DTNA: variants seen among roughly 807,000 people sequenced by gnomAD.
The protein encoded by DTNA is dystrobrevin alpha.
In DTNA, 43 loss-of-function variants were observed where a neutral mutation model predicts 100.7. The observed-to-expected ratio is 0.43, with a 90% CI of 0.33 to 0.55. The LOEUF is 0.55. Among genes scored for constraint, DTNA ranks in the 20% least tolerant of loss-of-function variants. The pLI is 0.04. For synonymous variants in DTNA, 349 were observed against 347.9 expected (o/e 1.00, Z -0.04); for missense variants, 798 against 953.9 (o/e 0.84, Z 2.15).
chr18:34,603,824 TCTTCAA>T (rs1223382896), intron 1 of DTNA, among the ~76,000 whole-genome samples: 2 of 152,238 alleles, frequency 1.3e-5, no homozygotes, highest in African/African-American at 4.8e-5. Flanking sequence ...AGAAAGGTCA[TCTTCAA>T]CTTCAACATC....
intron 1 of DTNA, chr18:34,513,813 CT>C (rs1438245157): frequency 4.6e-5 from 7 of 152,128 alleles, no homozygotes; most frequent in African/African-American, 1.7e-4. Context: ...ATTTTAGTGG[CT>C]TTCTTGAATC....
intron 1 of DTNA, among the ~76,000 whole-genome samples, chr18:34,549,751 A>G (rs1232674245): frequency 6.6e-6 from 1 of 151,992 alleles, no homozygotes; most frequent in Non-Finnish European, 1.5e-5. Flanking sequence ...TTAGAGCCAT[A>G]TTAGATGAGA....
At chr18:34,680,041 T>A (rs1422101783) in intron 1 of DTNA, among the ~76,000 whole-genome samples, 1 of 152,210 alleles carries the variant, frequency 6.6e-6, no homozygotes, top group African/African-American at 2.4e-5. Flanking sequence ...TAATAGTGGC[T>A]TAATCACTAA....
At chr18:34,834,412 A>C (rs1301843846) in intron 11 of DTNA, among the ~76,000 whole-genome samples, 2 of 152,046 alleles carry the variant, frequency 1.3e-5, no homozygotes, top group Non-Finnish European at 2.9e-5. Flanking sequence ...CTGAGACAGA[A>C]GAATCGCTTG....
intron 9 of DTNA, chr18:34,825,138 A>G (rs574609070): frequency 8.1e-7 from 1 of 1,240,180 alleles, no homozygotes; most frequent in African/African-American, 1.5e-5. Flanking sequence ...GTCATGAATT[A>G]GTCCTTAAAT....
chr18:34,639,925 A>G (rs2059084919), intron 1 of DTNA, among the ~76,000 whole-genome samples: 1 of 152,192 alleles, frequency 6.6e-6, no homozygotes, highest in Non-Finnish European at 1.5e-5. Flanking sequence ...TTTTATTTGG[A>G]CACATTTCCC....
intron 1 of DTNA, among the ~76,000 whole-genome samples, chr18:34,588,686 A>AGTGTGTGTGTGTGCATGTGTGTGTGT (rs1555632822): frequency 0.063 from 9,431 of 149,544 alleles, 346 homozygotes; most frequent in African/African-American, 0.071. Flanking sequence ...TGAATATTAT[A>AGTGTGTGTGTGTGCATGTGTGTGTGT]GTGTGTGTGT....
chr18:34,608,091 C>A (rs1017929417), intron 1 of DTNA, among the ~76,000 whole-genome samples: 5 of 152,150 alleles, frequency 3.3e-5, no homozygotes, highest in Non-Finnish European at 7.4e-5. Flanking sequence ...TGAGGCTACC[C>A]TACTCTTTTG....
intron 1 of DTNA, among the ~76,000 whole-genome samples, chr18:34,648,476 C>T (rs2060098255): frequency 6.6e-6 from 1 of 152,098 alleles, no homozygotes; most frequent in Admixed American, 6.6e-5. Context: ...GGTGGAAGCA[C>T]AGCAGATAGA....
intron 1 of DTNA, among the ~76,000 whole-genome samples, chr18:34,528,430 A>T (rs2509597): frequency 0.61 from 92,009 of 151,760 alleles, 29,159 homozygotes; most frequent in East Asian, 0.9. Flanking sequence ...ATTTCAGTAA[A>T]AAGAAGCCAT....
chr18:34,887,662 C>T lies in DTNA; in HGVS notation c.*32-104C>T, dbSNP rs139357920. ...GTGCATGTGTGTGTGTGTGTGCGCGCGCACTTTCTTCTATATTGGGGAAAG... is the reference window on the plus strand; with the variant it reads ...GTGCATGTGTGTGTGTGTGTGCGCGTGCACTTTCTTCTATATTGGGGAAAG... On this transcript the variant is annotated intron_variant, in intron 22 of 22. Transcript: ENST00000444659. The T allele has an allele frequency of 2.3e-3, 1,953 of 864,322 alleles. 23 individuals carry two copies. The African/African-American group carries it at 0.032, about 14-fold the overall frequency. 53.5% of individuals were successfully genotyped at this position (864,322 alleles called of 1,614,324 possible).
chr18:34,743,601 CTT>C (rs1423514932), intron 1 of DTNA, among the ~76,000 whole-genome samples: 2 of 152,090 alleles, frequency 1.3e-5, no homozygotes, highest in Admixed American at 1.3e-4. Flanking sequence ...TGTAGGTTCT[CTT>C]ATGTTCTCAT....
At chr18:34,805,406 C>G (rs912922680) in intron 4 of DTNA, among the ~76,000 whole-genome samples, 8 of 152,198 alleles carry the variant, frequency 5.3e-5, no homozygotes, top group Non-Finnish European at 1.0e-4. Context: ...CTCACTGCAA[C>G]CTCCACCTCC....
At chr18:34,818,456 G>C (rs2095641489) in intron 8 of DTNA, 126 bp downstream of exon 8, 1 of 1,539,804 alleles carries the variant, frequency 6.5e-7, no homozygotes, top group East Asian at 2.5e-5. Flanking sequence ...CTAGTATTCA[G>C]TCCCCCTTCC....
intron 1 of DTNA, among the ~76,000 whole-genome samples, chr18:34,558,549 A>G (rs925744389): frequency 2.0e-5 from 3 of 152,250 alleles, no homozygotes; most frequent in Admixed American, 1.3e-4. Flanking sequence ...GAGGGAAAAT[A>G]ATACACAAAT....
At chr18:34,494,702 G>A (rs1025719906) in intron 1 of DTNA, among the ~76,000 whole-genome samples, 1 of 152,080 alleles carries the variant, frequency 6.6e-6, no homozygotes, top group Non-Finnish European at 1.5e-5. Context: ...TATTGGATGT[G>A]CCTTGCAGTG....
At chr18:34,607,854 TACA>T (rs1263995957) in intron 1 of DTNA, among the ~76,000 whole-genome samples, 1 of 152,142 alleles carries the variant, frequency 6.6e-6, no homozygotes, top group Non-Finnish European at 1.5e-5. Context: ...CAGAATTGCA[TACA>T]ACAACTAAGA....
In DTNA at chr18:34,889,325, G is replaced by A. The variant is rs192226645; in HGVS notation, c.*1591G>A. 2 of 980,836 alleles carry A rather than the reference G, an allele frequency of 2.0e-6. No individual in the cohort carries two copies. Among genetic ancestry groups the A allele is most frequent in the Non-Finnish European group, 2.4e-6 (2 of 825,960 alleles). The allele number at this position is 980,836 out of a possible 1,614,324, so 60.8% of individuals were successfully genotyped here. Reference sequence around the variant, plus strand: ...TACTAATTTGTAAGCCCCACCTCAGGCCTACTGAATCAGAAGCTCTGGGGG... The same window carrying A: ...TACTAATTTGTAAGCCCCACCTCAGACCTACTGAATCAGAAGCTCTGGGGG... On this transcript the variant is annotated 3_prime_UTR_variant, in exon 23 of 23. Coordinates refer to ENST00000444659, the MANE Select transcript of DTNA (RefSeq NM_001386795.1).
intron 1 of DTNA, among the ~76,000 whole-genome samples, chr18:34,599,333 A>G (rs1182673307): frequency 2.0e-5 from 3 of 152,224 alleles, no homozygotes; most frequent in Non-Finnish European, 4.4e-5. Context: ...TGCCTCATCT[A>G]TAAAAGAACT....
Sources: allele counts gnomAD v4.1 joint callset (sites outside exome capture counted in the v4.1 genomes callset), GRCh38; gene constraint gnomAD v4.1.1; transcripts MANE v1.5; gene names NCBI Gene and HGNC (gene_info 2026-07-23, HGNC 2026-07-21).